Variants in GSE1 observed in about 807,000 individuals in gnomAD.
The protein encoded by GSE1 is genetic suppressor element 1.
Under a neutral mutation model 112.6 loss-of-function variants are expected in GSE1, and 32 were observed. That is an observed-to-expected ratio of 0.28 (90% CI 0.21 to 0.38). The LOEUF is 0.38. GSE1 is among the 10% of genes least tolerant of loss of function. GSE1 has a pLI of 1.00. For synonymous variants in GSE1, 1,115 were observed against 735.6 expected (o/e 1.52, Z -8.35); for missense variants, 2,348 against 1,699.2 (o/e 1.38, Z -6.71).
chr16:85,583,225 TG>T lies in GSE1; in HGVS notation c.37+26867del, dbSNP rs1322398239. On this transcript the variant is annotated intron_variant, in intron 1 of 2. Transcript: ENST00000635906. ...GGCAGGACATACAGCGATTCTCAGT[TG>T]GGGGTTCCTTCTAGGATCCCCAGGG... is the stretch of plus-strand genomic sequence containing the variant. The T allele has an allele frequency of 3.3e-5, 5 of 152,352 alleles. No homozygotes were observed. The East Asian group carries it at 9.6e-4, about 29-fold the overall frequency. 9.4% of individuals were successfully genotyped at this position (152,352 alleles called of 1,614,324 possible). A position where few individuals can be genotyped will look rare whatever the true frequency, so the allele number is the denominator to read the frequency against.
intron 1 of GSE1, among the ~76,000 whole-genome samples, chr16:85,301,584 T>A (rs1185182732): frequency 6.6e-6 from 1 of 152,258 alleles, no homozygotes; most frequent in Non-Finnish European, 1.5e-5. Flanking sequence ...AGTGTGGGAC[T>A]TCTCTCCCTG....
intron 1 of GSE1, among the ~76,000 whole-genome samples, chr16:85,600,538 G>C (rs1305541850): frequency 6.6e-6 from 1 of 151,444 alleles, no homozygotes; most frequent in African/African-American, 2.4e-5. Flanking sequence ...TGTGTCTTAA[G>C]ATCATTTGGG....
In GSE1 at chr16:85,668,424, G is replaced by A. The variant is rs2053059432; in HGVS notation, c.3415G>A (p.Glu1139Lys). 3 of 1,593,612 alleles carry A rather than the reference G, an allele frequency of 1.9e-6. No homozygotes were observed. Among genetic ancestry groups the A allele is most frequent in the African/African-American group, 2.7e-5 (2 of 74,752 alleles). ...VFEAYQEHIEEQNLERQVLQT... is the reference protein window; with the variant it reads ...VFEAYQEHIEKQNLERQVLQT... ...TGAAGCTTACCAGGAACACATAGAA[G>A]GTAAGGGGGTGCTGGGGAAGAGGGG... The change falls in exon 14 of 16, where the codon GAG becomes AAG. Residue 1139 changes from glutamate (E) to lysine (K), a missense_variant and splice_region_variant. Physicochemically the swap from Glu to Lys is moderately conservative, Grantham distance 56 (BLOSUM62 1). Transcript: ENST00000253458.
intron 2 of GSE1, among the ~76,000 whole-genome samples, chr16:85,440,105 C>T (rs1364206226): frequency 6.6e-6 from 1 of 152,228 alleles, no homozygotes; most frequent in African/African-American, 2.4e-5. Flanking sequence ...CACAGTGTCT[C>T]CAGTGCCAAG....
chr16:85,318,484 C>CA (rs1049544596), intron 1 of GSE1, among the ~76,000 whole-genome samples: 5 of 152,186 alleles, frequency 3.3e-5, no homozygotes, highest in Non-Finnish European at 7.3e-5. Flanking sequence ...AGGCTGGTCT[C>CA]AAACTCCTGG....
chr16:85,296,522 G>A (rs1454888024), intron 1 of GSE1, among the ~76,000 whole-genome samples: 3 of 152,158 alleles, frequency 2.0e-5, no homozygotes, highest in African/African-American at 4.8e-5. Context: ...CACTAGAATC[G>A]TTTGAGCCCA....
intron 2 of GSE1, among the ~76,000 whole-genome samples, chr16:85,449,506 C>G (rs544098752): frequency 1.3e-5 from 2 of 152,378 alleles, no homozygotes; most frequent in East Asian, 1.9e-4. Context: ...ACCTGAGAAT[C>G]CAATTTCCAT....
chr16:85,483,471 G>T (rs1331153554), intron 2 of GSE1, among the ~76,000 whole-genome samples: 1 of 152,266 alleles, frequency 6.6e-6, no homozygotes, highest in Non-Finnish European at 1.5e-5. Context: ...GTGAGAGCCT[G>T]TCTAGTTCCC....
chr16:85,606,124 C>G (rs762301468), intron 1 of GSE1, among the ~76,000 whole-genome samples: 10 of 152,196 alleles, frequency 6.6e-5, no homozygotes, highest in Non-Finnish European at 1.2e-4. Flanking sequence ...ACAGCCCACT[C>G]CAGCAGGCCT....
In GSE1 at chr16:85,376,032, A is replaced by C. The variant is rs113122328; in HGVS notation, c.2464+18389A>C. Among the ~76,000 whole-genome samples the C allele has an allele frequency of 1.2e-3, 189 of 152,234 alleles. 1 individual carries two copies. Among genetic ancestry groups the C allele is most frequent in the African/African-American group, 4.3e-3 (177 of 41,522 alleles). On this transcript the variant is annotated intron_variant, in intron 2 of 2. Transcript: ENST00000637419. ...ACAGGGAACCAGACCCCACACTCCA[A>C]CTTGGCCTCCCTTCTGCTATGTGGA...
chr16:85,184,756 G>T (rs1207687604), intron 1 of GSE1, among the ~76,000 whole-genome samples: 1 of 152,048 alleles, frequency 6.6e-6, no homozygotes, highest in African/African-American at 2.4e-5. Flanking sequence ...CCAAACATTG[G>T]ACTATCTTAA....
chr16:85,175,217 C>T (rs748879422), intron 1 of GSE1, among the ~76,000 whole-genome samples: 1 of 152,208 alleles, frequency 6.6e-6, no homozygotes, highest in Non-Finnish European at 1.5e-5. Context: ...CAGCTGGGCC[C>T]CGGGTCCCCA....
intron 2 of GSE1, among the ~76,000 whole-genome samples, chr16:85,636,385 G>A (rs2049999628): frequency 6.6e-6 from 1 of 152,210 alleles, no homozygotes; most frequent in Admixed American, 6.5e-5. Flanking sequence ...CCAGGCCTGG[G>A]CCCTCGTCGC....
chr16:85,435,007 A>G (rs766217750), intron 2 of GSE1, among the ~76,000 whole-genome samples: 26 of 152,234 alleles, frequency 1.7e-4, no homozygotes, highest in African/African-American at 6.0e-4. Context: ...CCCCACACTC[A>G]GGAGGGCCTA....
chr16:85,200,719 C>G (rs1287926778), intron 1 of GSE1, among the ~76,000 whole-genome samples: 1 of 152,190 alleles, frequency 6.6e-6, no homozygotes, highest in East Asian at 1.9e-4. Context: ...ACACAAACCT[C>G]AACAATTTTT....
chr16:85,636,477 C>G (rs949231577), intron 2 of GSE1, among the ~76,000 whole-genome samples: 1 of 152,218 alleles, frequency 6.6e-6, no homozygotes, highest in African/African-American at 2.4e-5. Flanking sequence ...TGACTCGTTC[C>G]TCGTGACCTC....
At chr16:85,568,493 G>C (rs2045851622) in intron 1 of GSE1, among the ~76,000 whole-genome samples, 1 of 152,236 alleles carries the variant, frequency 6.6e-6, no homozygotes, top group South Asian at 2.1e-4. Flanking sequence ...AGCTATGTCT[G>C]ATTTTTATGA....
At chr16:85,276,591 G>A (rs986233438) in intron 1 of GSE1, among the ~76,000 whole-genome samples, 5 of 152,230 alleles carry the variant, frequency 3.3e-5, no homozygotes, top group African/African-American at 9.6e-5. Context: ...GCCCGGGTTC[G>A]GGGTGACCTC....
At chr16:85,616,330 G>A (rs2048369280) in intron 1 of GSE1, among the ~76,000 whole-genome samples, 1 of 152,238 alleles carries the variant, frequency 6.6e-6, no homozygotes, top group African/African-American at 2.4e-5. Flanking sequence ...GGAAGAGTGC[G>A]GATAAGCTAG....
Sources: allele counts gnomAD v4.1 joint callset (sites outside exome capture counted in the v4.1 genomes callset), GRCh38; gene constraint gnomAD v4.1.1; transcripts MANE v1.5; gene names NCBI Gene and HGNC (gene_info 2026-07-23, HGNC 2026-07-21).